APCDD1L: variants seen among roughly 807,000 people sequenced by gnomAD.
The protein encoded by APCDD1L is protein APCDD1-like.
A neutral mutation model predicts 24.2 loss-of-function variants in APCDD1L; 21 were observed. The ratio of observed to expected loss-of-function variants is 0.87; its 90% confidence interval spans 0.61 to 1.25. The LOEUF is 1.25. APCDD1L is among the 50% of genes most tolerant of loss of function. The probability of loss-of-function intolerance (pLI) is 0.00; values close to 1 mark genes in which losing one functional copy is unlikely to be tolerated. For synonymous variants in APCDD1L, 321 were observed against 323.6 expected (o/e 0.99, Z 0.09); for missense variants, 704 against 711.7 (o/e 0.99, Z 0.12).
In APCDD1L at chr20:58,514,565, C is replaced by G. The variant is rs978745131; in HGVS notation, c.49+94G>C. ...GCAGCCGCGTGGGCCGACCCAGGGCCGTAGTCCCCAAGGGCCCTTAGGGGA... is the reference window on the plus strand; with the variant it reads ...GCAGCCGCGTGGGCCGACCCAGGGCGGTAGTCCCCAAGGGCCCTTAGGGGA... On this transcript the variant is annotated intron_variant, in intron 1 of 3. Transcript: ENST00000371149. The G allele has an allele frequency of 9.3e-6, 11 of 1,180,334 alleles. No homozygotes were observed. In the Admixed American group the frequency reaches 2.5e-4, roughly 26 times the overall value. The allele number at this position is 1,180,334 out of a possible 1,614,324, so 73.1% of individuals were successfully genotyped here.
chr20:58,504,780 C>T (rs1990502767), intron 1 of APCDD1L, among the ~76,000 whole-genome samples: 1 of 152,112 alleles, frequency 6.6e-6, no homozygotes, highest in South Asian at 2.1e-4. Context: ...CCCGATGTTC[C>T]CCAAATCCAT....
intron 1 of APCDD1L, among the ~76,000 whole-genome samples, chr20:58,509,512 AAG>A (rs1250733785): frequency 2.6e-5 from 4 of 152,140 alleles, no homozygotes; most frequent in African/African-American, 9.7e-5. Context: ...TCCACCTTCC[AAG>A]AGTGTTGTAA....
intron 1 of APCDD1L, among the ~76,000 whole-genome samples, chr20:58,483,068 C>CT (rs1990053136): frequency 6.6e-6 from 1 of 152,184 alleles, no homozygotes; most frequent in Non-Finnish European, 1.5e-5. Context: ...GCCCCACTGC[C>CT]TATGTGTGCC....
chr20:58,495,754 C>T (rs975957619), intron 1 of APCDD1L, among the ~76,000 whole-genome samples: 1 of 152,164 alleles, frequency 6.6e-6, no homozygotes, highest in Non-Finnish European at 1.5e-5. Context: ...TGACCCATGC[C>T]ATCACCACCT....
At chr20:58,498,337 T>C (rs1025591588) in intron 1 of APCDD1L, among the ~76,000 whole-genome samples, 1 of 152,204 alleles carries the variant, frequency 6.6e-6, no homozygotes, top group Non-Finnish European at 1.5e-5. Flanking sequence ...GGTTGTGGCG[T>C]TGCTGAAATT....
chr20:58,477,436 G>A (rs1405426757), intron 1 of APCDD1L, among the ~76,000 whole-genome samples: 1 of 152,138 alleles, frequency 6.6e-6, no homozygotes, highest in Non-Finnish European at 1.5e-5. Context: ...AGTAAATTCT[G>A]CTCATGCGTT....
chr20:58,511,026 G>A (rs193003289), intron 1 of APCDD1L, among the ~76,000 whole-genome samples: 1 of 152,310 alleles, frequency 6.6e-6, no homozygotes, highest in Non-Finnish European at 1.5e-5. Context: ...ACAGCACAGA[G>A]GGTTCACCAG....
intron 1 of APCDD1L, among the ~76,000 whole-genome samples, chr20:58,503,490 G>A (rs949846098): frequency 1.3e-5 from 2 of 152,178 alleles, no homozygotes; most frequent in Admixed American, 1.3e-4. Flanking sequence ...AAGTAATTTT[G>A]TTTCACTATG....
At chr20:58,495,390 G>C (rs1165611956) in intron 1 of APCDD1L, among the ~76,000 whole-genome samples, 1 of 152,200 alleles carries the variant, frequency 6.6e-6, no homozygotes, top group Non-Finnish European at 1.5e-5. Context: ...CCGGCCCTTG[G>C]GGCCAGATAG....
At chr20:58,506,028 C>G (rs1283732430) in intron 1 of APCDD1L, among the ~76,000 whole-genome samples, 1 of 152,124 alleles carries the variant, frequency 6.6e-6, no homozygotes, top group African/African-American at 2.4e-5. Flanking sequence ...CCCACTGATA[C>G]CTTGATTTTG....
At chr20:58,476,999 A>T (rs1481285079) in intron 1 of APCDD1L, among the ~76,000 whole-genome samples, 1 of 152,150 alleles carries the variant, frequency 6.6e-6, no homozygotes, top group Non-Finnish European at 1.5e-5. Flanking sequence ...CACTCATCAC[A>T]TCTGGCATTT....
Position 58,461,938 on chromosome 20 carries a change from A to C in APCDD1L, c.742-384T>G, listed in dbSNP as rs564782250. ...TTTATCTTCCTCATTCCACCCCCTGAGACTCTCCTCTCTCTACCCCTCACC... is the reference window on the plus strand; with the variant it reads ...TTTATCTTCCTCATTCCACCCCCTGCGACTCTCCTCTCTCTACCCCTCACC... On this transcript the variant is annotated intron_variant, in intron 3 of 3. Transcript: ENST00000371149. The surrounding 1 kb of genome is among the most constrained non-coding windows in gnomAD (Gnocchi z 6.0). 1.4e-3 allele frequency: 281 copies of C among 201,632 alleles called. No homozygotes were observed. The highest frequency in any genetic ancestry group is 6.1e-3 in the African/African-American group (265 of 43,356). 12.5% of individuals were successfully genotyped at this position (201,632 alleles called of 1,614,324 possible).
intron 1 of APCDD1L, among the ~76,000 whole-genome samples, chr20:58,479,836 T>A (rs1259492342): frequency 1.3e-5 from 2 of 152,194 alleles, no homozygotes; most frequent in Non-Finnish European, 1.5e-5. Flanking sequence ...GCCATTAAGC[T>A]TCAGAGACCG....
intron 3 of APCDD1L, among the ~76,000 whole-genome samples, chr20:58,464,133 G>C (rs1006973069): frequency 2.6e-5 from 4 of 152,130 alleles, no homozygotes; most frequent in Non-Finnish European, 4.4e-5. Context: ...GCTGATAAGA[G>C]TCGACTCTAA....
rs1196813345 is a variant in APCDD1L, at chr20:58,479,568, A to ACCC, written c.50-8822_50-8821insGGG. Among the ~76,000 whole-genome samples the ACCC allele has an allele frequency of 7.6e-5, 11 of 144,352 alleles. No homozygotes were observed. In the South Asian group the frequency reaches 1.4e-3, roughly 18 times the overall value. 94.7% of individuals were successfully genotyped at this position (144,352 alleles called of 152,430 possible). A position where few individuals can be genotyped will look rare whatever the true frequency, so the allele number is the denominator to read the frequency against. On this transcript the variant is annotated intron_variant, in intron 1 of 3. Transcript: ENST00000371149. The stretch of plus-strand genomic sequence containing the variant: ...GTCCCTATCTGTTGCTCTGTTTTAT[A>ACCC]TACTGAGGTTTGGATTAAGATTTGC...
At chr20:58,481,319 A>G (rs1311880052) in intron 1 of APCDD1L, among the ~76,000 whole-genome samples, 1 of 152,218 alleles carries the variant, frequency 6.6e-6, no homozygotes. Flanking sequence ...CAAGATAATC[A>G]CAAGGTTTTG....
chr20:58,478,600 G>A (rs1989961019), intron 1 of APCDD1L, among the ~76,000 whole-genome samples: 1 of 152,042 alleles, frequency 6.6e-6, no homozygotes, highest in Non-Finnish European at 1.5e-5. Flanking sequence ...AAGTGCTTAG[G>A]ACAATGCCTT....
intron 1 of APCDD1L, among the ~76,000 whole-genome samples, chr20:58,477,860 T>A (rs1989941608): frequency 2.0e-5 from 3 of 152,206 alleles, no homozygotes. Flanking sequence ...GCTCAAGAGA[T>A]CTGCCTGTCT....
Position 58,460,297 on chromosome 20 carries a change from A to C in APCDD1L, c.*493T>G. 1.3e-5 allele frequency: 2 copies of C among 152,686 alleles called. No individual in the cohort carries two copies. Among genetic ancestry groups the C allele is most frequent in the Non-Finnish European group, 2.9e-5 (2 of 68,324 alleles). 9.5% of individuals were successfully genotyped at this position (152,686 alleles called of 1,614,324 possible). A position where few individuals can be genotyped will look rare whatever the true frequency, so the allele number is the denominator to read the frequency against. On this transcript the variant is annotated 3_prime_UTR_variant, in exon 4 of 4. Transcript: ENST00000371149. This position sits in a 1 kb window ranked among gnomAD's most constrained non-coding sequence, Gnocchi z 4.2. Reference sequence around the variant, plus strand: ...GGCACCACTTAGAGATCGTATTGCTAAATTCGAATTAATAATCTTTAAACA... The same window carrying C: ...GGCACCACTTAGAGATCGTATTGCTCAATTCGAATTAATAATCTTTAAACA...
Sources: gnomAD v4.1 joint callset for allele counts (sites outside exome capture counted in the v4.1 genomes callset) on GRCh38, gnomAD v4.1.1 for gene constraint, Gnocchi (gnomAD v3.1) non-coding constraint, MANE v1.5 for transcripts, NCBI Gene and HGNC (gene_info 2026-07-23, HGNC 2026-07-21) for gene names.